ALG8: variants seen among roughly 807,000 people sequenced by gnomAD.
ALG8 encodes the protein ALG8 alpha-1,3-glucosyltransferase, also known as dolichyl pyrophosphate Glc1Man9GlcNAc2 alpha-1,3-glucosyltransferase.
A neutral mutation model predicts 70.2 loss-of-function variants in ALG8; 48 were observed. The ratio of observed to expected loss-of-function variants is 0.68; its 90% CI spans 0.54 to 0.87. The LOEUF (loss-of-function observed/expected upper bound fraction) is 0.87, where lower values mean the gene tolerates loss of function less well. ALG8 is among the 40% of genes least tolerant of loss of function. The pLI, the probability that ALG8 is intolerant of heterozygous loss-of-function variation, is 0.00. For missense variants in ALG8, 572 were observed against 608.7 expected (o/e 0.94, Z 0.64); for synonymous variants, 234 against 229.0 (o/e 1.02, Z -0.20).
In ALG8 at chr11:78,106,354, T is replaced by A. The variant is rs192470219; in HGVS notation, c.1178+453A>T. ...CTGGGACTACAGGCATGTGCCACTATGCCCAGCTAATTTTTTGTATTTTTA... is the reference window on the plus strand; with the variant it reads ...CTGGGACTACAGGCATGTGCCACTAAGCCCAGCTAATTTTTTGTATTTTTA... On this transcript the variant is annotated intron_variant, in intron 10 of 12. Transcript: ENST00000299626. Among the ~76,000 whole-genome samples the A allele has an allele frequency of 7.9e-5, 12 of 152,236 alleles. No individual in the cohort carries two copies. In the East Asian group the frequency reaches 2.1e-3, roughly 27 times the overall value.
At chr11:78,112,140 G>T (rs1860314704) in intron 8 of ALG8, among the ~76,000 whole-genome samples, 1 of 152,088 alleles carries the variant, frequency 6.6e-6, no homozygotes, top group African/African-American at 2.4e-5. Flanking sequence ...AGCCAGGTGT[G>T]GTGGTATGCA....
In ALG8 at chr11:78,104,001, G is replaced by A. The variant is rs140716983; in HGVS notation, c.1328C>T (p.Ser443Leu). The change falls in exon 12 of 13, where the codon TCG (serine) becomes TTG (leucine). Residue 443 changes from serine to leucine, a missense_variant. By Grantham distance (145) the Ser-to-Leu change is moderately radical. Transcript: ENST00000299626. ...LMLLFTIYSI[S>L]SLKTLFRKEK... ...TTACCTGAATAAAGTCTTCAGTGACGAAATACTATATATGGTGAATAGTAA... is the reference window on the plus strand; with the variant it reads ...TTACCTGAATAAAGTCTTCAGTGACAAAATACTATATATGGTGAATAGTAA... 5.1e-5 allele frequency: 76 copies of A among 1,494,298 alleles called. No homozygotes were observed. The highest frequency in any genetic ancestry group is 1.5e-4 in the Admixed American group (9 of 58,710). The allele number at this position is 1,494,298 out of a possible 1,614,324, so 92.6% of individuals were successfully genotyped here. A position where few individuals can be genotyped will look rare whatever the true frequency, so the allele number is the denominator to read the frequency against.
At chr11:78,128,432 C>T (rs1310358878) in intron 1 of ALG8, among the ~76,000 whole-genome samples, 1 of 152,168 alleles carries the variant, frequency 6.6e-6, no homozygotes, top group Non-Finnish European at 1.5e-5. Flanking sequence ...CTTTCTCCTA[C>T]CTCCAGCCAA....
In ALG8 at chr11:78,112,767, G is replaced by T. The variant is rs1860358758; in HGVS notation, c.781C>A (p.Gln261Lys). 1 of 1,613,510 alleles carries T rather than the reference G, an allele frequency of 6.2e-7. No individual in the cohort carries two copies. The highest frequency in any genetic ancestry group is 1.1e-5 in the South Asian group (1 of 91,062). ...AGTCGGGAAAAGACTTGAGGCAGCT[G>T]ATTCTGTTGAAAAGAGAAATGAAAC... ...LSLGPFLALN[Q>K]LPQVFSRLFP... The change falls in exon 8 of 13, where the codon CAG becomes AAG. Residue 261 changes from glutamine to lysine, a missense_variant. Transcript: ENST00000299626.
intron 3 of ALG8, 165 bp from the exon 4 acceptor site, chr11:78,121,339 G>A (rs1860815777): frequency 1.6e-6 from 1 of 635,380 alleles, no homozygotes; most frequent in Admixed American, 2.6e-5. Context: ...AAGGGATGGG[G>A]TATCACTGTT....
intron 1 of ALG8, chr11:78,139,157 G>A (rs943973684): frequency 1.3e-4 from 50 of 389,256 alleles, no homozygotes; most frequent in Admixed American, 4.8e-4. Flanking sequence ...GCATCTCCCG[G>A]GAGTTAGAAC....
chr11:78,115,933 T>C (rs1398271625), intron 5 of ALG8, among the ~76,000 whole-genome samples: 3 of 152,214 alleles, frequency 2.0e-5, no homozygotes, highest in Non-Finnish European at 1.5e-5. Context: ...TAGGATGCTA[T>C]GCTACCAAAA....
chr11:78,119,268 A>G lies in ALG8; in HGVS notation c.479-19T>C, dbSNP rs1423885912. ...TGAATATCTGGACTTAGGTCAAGGA[A>G]AGACAACAGAGGACACCAAATTCAT... On this transcript the variant is annotated intron_variant, in intron 4 of 12. Coordinates refer to ENST00000299626, the MANE Select transcript of ALG8 (RefSeq NM_024079.5). 1 of 1,583,254 alleles carries G rather than the reference A, an allele frequency of 6.3e-7. No homozygotes were observed. Among genetic ancestry groups the G allele is most frequent in the Non-Finnish European group, 8.7e-7 (1 of 1,152,312 alleles).
At chr11:78,114,579 G>A in intron 5 of ALG8, 187 bp from the exon 6 acceptor site, 1 of 695,508 alleles carries the variant, frequency 1.4e-6, no homozygotes, top group South Asian at 1.7e-5. Flanking sequence ...GTGGTAATGG[G>A]GGAAAATGGG....
At chr11:78,102,693 CTGTAATGCCAGCACT>C (rs1490540728) in intron 12 of ALG8, among the ~76,000 whole-genome samples, 1 of 152,182 alleles carries the variant, frequency 6.6e-6, no homozygotes, top group Non-Finnish European at 1.5e-5. Flanking sequence ...TGGCTCACAC[CTGTAATGCCAGCACT>C]TTGGGAGGCC....
chr11:78,118,579 G>A (rs1409658363), intron 5 of ALG8, among the ~76,000 whole-genome samples: 11 of 130,676 alleles, frequency 8.4e-5, no homozygotes, highest in Non-Finnish European at 1.5e-4. Context: ...TTGTGCCATC[G>A]CACTCCAGCC....
rs142707364 is a variant in ALG8, at chr11:78,118,984, T to C, written c.546+198A>G. ...ATGCTAACAAGCTTTTGGAGTACAA[T>C]TGTCTCATCTGTTAAATGAAGAAAA... is the stretch of plus-strand genomic sequence containing the variant. On this transcript the variant is annotated intron_variant, in intron 5 of 12. Transcript: ENST00000299626. Among the ~76,000 whole-genome samples, 431 of 152,256 alleles carry C rather than the reference T, an allele frequency of 2.8e-3. 2 individuals carry two copies. Among genetic ancestry groups the C allele is most frequent in the Non-Finnish European group, 4.6e-3 (312 of 68,016 alleles).
chr11:78,106,233 G>A (rs528557075), intron 10 of ALG8, among the ~76,000 whole-genome samples: 18 of 151,884 alleles, frequency 1.2e-4, no homozygotes, highest in African/African-American at 4.3e-4. Context: ...AGTCTCCTTC[G>A]GTCACCCAGA....
rs57209723 is a variant in ALG8 at position 78,135,864 on chromosome 11, G to GAAAAA, written c.95+3625_95+3629dup. 1.7e-3 allele frequency among the ~76,000 whole-genome samples: 238 copies of GAAAAA among 140,824 alleles called. 2 individuals carry two copies. Among genetic ancestry groups the GAAAAA allele is most frequent in the African/African-American group, 5.5e-3 (206 of 37,508 alleles). The allele number at this position is 140,824 out of a possible 152,430, so 92.4% of individuals were successfully genotyped here. A position where few individuals can be genotyped will look rare whatever the true frequency, so the allele number is the denominator to read the frequency against. On this transcript the variant is annotated intron_variant, in intron 1 of 12. Coordinates refer to ENST00000299626, the MANE Select transcript of ALG8 (RefSeq NM_024079.5). ...CTCCGTCTCAAACATAAATAAATAA[G>GAAAAA]AAAAAAAAAAAAGAAAAATAATGGG...
rs1474763006 is a variant in ALG8 at position 78,137,083 on chromosome 11, T to C, written c.95+2411A>G. On this transcript the variant is annotated intron_variant, in intron 1 of 12. Coordinates refer to ENST00000299626, the MANE Select transcript of ALG8 (RefSeq NM_024079.5). ...CGCCCAGCTAATTTTGTATTTTTAG[T>C]AGAGACGAGATTTCTCCATGTTGGT... Among the ~76,000 whole-genome samples the C allele has an allele frequency of 2.0e-5, 3 of 152,124 alleles. No homozygotes were observed. The East Asian group carries it at 5.8e-4, about 29-fold the overall frequency.
At chr11:78,104,687 G>A (rs949659111) in intron 10 of ALG8, 1 of 447,350 alleles carries the variant, frequency 2.2e-6, no homozygotes, top group East Asian at 4.4e-5. Context: ...CTTCTGGCCG[G>A]GGACAGTGGC....
chr11:78,131,678 C>G (rs923544086), intron 1 of ALG8, among the ~76,000 whole-genome samples: 2 of 152,086 alleles, frequency 1.3e-5, no homozygotes, highest in Non-Finnish European at 2.9e-5. Flanking sequence ...GTTGCCCAGG[C>G]TGGTCCCAAA....
intron 5 of ALG8, among the ~76,000 whole-genome samples, chr11:78,117,940 A>C (rs1860650833): frequency 6.7e-6 from 1 of 150,284 alleles, no homozygotes; most frequent in Non-Finnish European, 1.5e-5. Flanking sequence ...GCGTGGTGGC[A>C]GGCGCCTGTA....
chr11:78,109,368 T>C (rs1860180225), intron 9 of ALG8, 74 bp downstream of exon 9: 12 of 1,593,364 alleles, frequency 7.5e-6, no homozygotes, highest in South Asian at 3.3e-5. Context: ...AGCTTGAAAG[T>C]TGAAATTTAA....
Sources: gnomAD v4.1 joint callset for allele counts (sites outside exome capture counted in the v4.1 genomes callset) on GRCh38, gnomAD v4.1.1 for gene constraint, MANE v1.5 for transcripts, NCBI Gene and HGNC (gene_info 2026-07-23, HGNC 2026-07-21) for gene names.